The following TMTC2 variants were observed in gnomAD, a reference collection of about 807,000 sequenced individuals.
TMTC2 encodes transmembrane O-mannosyltransferase targeting cadherins 2.
Under a neutral mutation model 82.4 loss-of-function variants are expected in TMTC2, and 43 were observed. The observed-to-expected ratio is 0.52, with a 90% CI of 0.41 to 0.67. The LOEUF (loss-of-function observed/expected upper bound fraction) is 0.67, where lower values mean the gene tolerates loss of function less well. Ranked by LOEUF, TMTC2 falls within the 30% of genes least tolerant of loss-of-function variation. TMTC2 has a pLI of 0.00. For missense variants in TMTC2, 919 were observed against 1,012.4 expected (o/e 0.91, Z 1.25); for synonymous variants, 408 against 381.9 (o/e 1.07, Z -0.80).
At chr12:82,759,540 T>A (rs1291414649) in intron 1 of TMTC2, 1 of 152,210 alleles carries the variant, frequency 6.6e-6, no homozygotes, top group Non-Finnish European at 1.5e-5. Flanking sequence ...CTCTCTGATG[T>A]GATTAATTCA....
intron 4 of TMTC2, among the ~76,000 whole-genome samples, chr12:82,944,161 T>G (rs984909824): frequency 1.3e-5 from 2 of 152,192 alleles, no homozygotes; most frequent in Non-Finnish European, 2.9e-5. Flanking sequence ...GGTATAGATT[T>G]TGGTGTCATA....
At chr12:83,121,244 C>G (rs1386573247) in intron 11 of TMTC2, among the ~76,000 whole-genome samples, 1 of 152,084 alleles carries the variant, frequency 6.6e-6, no homozygotes, top group Admixed American at 6.5e-5. Flanking sequence ...TGTCATATTA[C>G]CAGAATTGGT....
chr12:82,860,547 C>T (rs947946006), intron 2 of TMTC2, among the ~76,000 whole-genome samples: 3 of 152,192 alleles, frequency 2.0e-5, no homozygotes, highest in African/African-American at 7.2e-5. Flanking sequence ...TCTGTTTCTT[C>T]ATCTGGAAAT....
chr12:82,827,882 T>G (rs900488455), intron 1 of TMTC2, among the ~76,000 whole-genome samples: 2 of 151,388 alleles, frequency 1.3e-5, no homozygotes. Flanking sequence ...TTCTTTTTCT[T>G]TTTTCGTTTT....
At chr12:82,916,877 A>G (rs564351284) in intron 3 of TMTC2, among the ~76,000 whole-genome samples, 1 of 152,340 alleles carries the variant, frequency 6.6e-6, no homozygotes, top group African/African-American at 2.4e-5. Context: ...AATTACATAT[A>G]AGTACATAGG....
rs1871326115 is a variant in TMTC2, at chr12:82,857,571, C to T, written c.645C>T (p.Thr215=). The change falls in exon 2 of 12, where the codon ACC becomes ACT. Residue 215 remains threonine (T), a synonymous_variant. Transcript: ENST00000321196. ...HRLKIKQILP[T]IYKRKNLSLF... Reference sequence around the variant, plus strand: ...TGAAAATAAAACAGATATTACCTACCATTTACAAAGTAAGTGATTGTTGGC... The same window carrying T: ...TGAAAATAAAACAGATATTACCTACTATTTACAAAGTAAGTGATTGTTGGC... The T allele has an allele frequency of 1.9e-6, 3 of 1,603,060 alleles. No individual in the cohort carries two copies. The highest frequency in any genetic ancestry group is 2.2e-5 in the East Asian group (1 of 44,810).
chr12:82,707,271 C>T (rs2136907549), intron 1 of TMTC2, among the ~76,000 whole-genome samples: 1 of 152,218 alleles, frequency 6.6e-6, no homozygotes, highest in East Asian at 1.9e-4. Context: ...TCTCTGGGGC[C>T]TGTTTTCAAA....
chr12:82,847,845 A>G (rs549606554), intron 1 of TMTC2, among the ~76,000 whole-genome samples: 3 of 152,200 alleles, frequency 2.0e-5, no homozygotes, highest in African/African-American at 7.2e-5. Flanking sequence ...TACCTAATGT[A>G]AATGAGGAGT....
chr12:82,807,898 C>T (rs540484225), intron 1 of TMTC2, among the ~76,000 whole-genome samples: 15 of 151,932 alleles, frequency 9.9e-5, no homozygotes, highest in Non-Finnish European at 2.2e-4. Flanking sequence ...GATTAGAAGA[C>T]ACAGAATCAT....
At chr12:82,821,485 C>A (rs936998041) in intron 1 of TMTC2, among the ~76,000 whole-genome samples, 1 of 152,100 alleles carries the variant, frequency 6.6e-6, no homozygotes, top group African/African-American at 2.4e-5. Flanking sequence ...GTGTTAGCCT[C>A]ATTTTACAGA....
chr12:83,049,605 C>G (rs1882272231), intron 9 of TMTC2, among the ~76,000 whole-genome samples: 2 of 152,140 alleles, frequency 1.3e-5, no homozygotes, highest in African/African-American at 4.8e-5. Flanking sequence ...GCTATTGTGA[C>G]TACTGTTAAC....
intron 9 of TMTC2, among the ~76,000 whole-genome samples, chr12:83,047,664 G>T (rs1882192754): frequency 6.6e-6 from 1 of 152,088 alleles, no homozygotes; most frequent in Admixed American, 6.6e-5. Flanking sequence ...TATGGTGAAT[G>T]AATTTTGCAG....
intron 11 of TMTC2, among the ~76,000 whole-genome samples, chr12:83,080,248 G>A (rs550703069): frequency 1.3e-5 from 2 of 152,226 alleles, no homozygotes; most frequent in South Asian, 4.1e-4. Context: ...ATGTTTAAAA[G>A]TTAGGAATCT....
At chr12:82,751,186 A>G (rs1293825450) in intron 1 of TMTC2, among the ~76,000 whole-genome samples, 1 of 152,198 alleles carries the variant, frequency 6.6e-6, no homozygotes, top group Non-Finnish European at 1.5e-5. Context: ...GCACATATAC[A>G]CAATGGAATA....
intron 1 of TMTC2, among the ~76,000 whole-genome samples, chr12:82,846,257 C>A (rs1870669821): frequency 6.6e-6 from 1 of 152,002 alleles, no homozygotes; most frequent in Non-Finnish European, 1.5e-5. Flanking sequence ...ACTTGGGAGG[C>A]TGAGGCAGGA....
At chr12:83,120,189 G>A (rs1055995577) in intron 11 of TMTC2, among the ~76,000 whole-genome samples, 8 of 152,048 alleles carry the variant, frequency 5.3e-5, no homozygotes, top group Non-Finnish European at 8.8e-5. Context: ...TGTTGCCTGC[G>A]TACTTTGTTT....
intron 7 of TMTC2, among the ~76,000 whole-genome samples, chr12:82,978,012 G>A (rs1378560320): frequency 6.6e-6 from 1 of 151,518 alleles, no homozygotes; most frequent in Admixed American, 6.6e-5. Flanking sequence ...TCAAATTCTT[G>A]GAGAAAACAT....
intron 8 of TMTC2, among the ~76,000 whole-genome samples, chr12:83,021,093 T>C (rs1880898685): frequency 6.6e-6 from 1 of 152,192 alleles, no homozygotes; most frequent in Admixed American, 6.5e-5. Context: ...TTATATTTTT[T>C]AATTGAAAAC....
intron 8 of TMTC2, among the ~76,000 whole-genome samples, chr12:83,009,542 G>A (rs1880359431): frequency 6.6e-6 from 1 of 151,976 alleles, no homozygotes; most frequent in Admixed American, 6.5e-5. Flanking sequence ...TCAGTTCTCT[G>A]ATAGATCTCA....
Sources: allele counts gnomAD v4.1 joint callset (sites outside exome capture counted in the v4.1 genomes callset), GRCh38; gene constraint gnomAD v4.1.1; transcripts MANE v1.5; gene names NCBI Gene and HGNC (gene_info 2026-07-23, HGNC 2026-07-21).